CDYL2: variants seen among roughly 807,000 people sequenced by gnomAD.
The protein encoded by CDYL2 is chromodomain Y like 2.
CDYL2 carries 23 observed loss-of-function variants against 49.4 expected under a neutral mutation model. That is an observed-to-expected ratio of 0.47 (90% CI 0.34 to 0.66). CDYL2 has a LOEUF of 0.66. Among genes scored for constraint, CDYL2 ranks in the 30% least tolerant of loss-of-function variants. CDYL2 has a pLI of 0.01. For synonymous variants in CDYL2, 360 were observed against 268.8 expected, an observed-to-expected ratio of 1.34 and a Z score of -3.32; for missense variants, 678 against 656.4, an observed-to-expected ratio of 1.03 and a Z score of -0.36.
chr16:80,774,195 A>G (rs1398275272), intron 1 of CDYL2, among the ~76,000 whole-genome samples: 1 of 152,204 alleles, frequency 6.6e-6, no homozygotes, highest in Non-Finnish European at 1.5e-5. Flanking sequence ...TGATACATAC[A>G]CATAAACAAT....
chr16:80,667,841 T>C (rs1909331353), intron 2 of CDYL2, among the ~76,000 whole-genome samples: 1 of 152,334 alleles, frequency 6.6e-6, no homozygotes, highest in East Asian at 1.9e-4. Context: ...CCGTGAGGTA[T>C]GAATATCTGC....
intron 1 of CDYL2, among the ~76,000 whole-genome samples, chr16:80,713,808 C>G (rs985153044): frequency 6.6e-6 from 1 of 152,098 alleles, no homozygotes; most frequent in Non-Finnish European, 1.5e-5. Context: ...CCTGGGATGC[C>G]CATTCTTGGA....
At chr16:80,622,962 A>G (rs969905808) in intron 3 of CDYL2, among the ~76,000 whole-genome samples, 1 of 152,248 alleles carries the variant, frequency 6.6e-6, no homozygotes, top group African/African-American at 2.4e-5. Flanking sequence ...GCTCCATTTT[A>G]TAGAAAGGGA....
chr16:80,604,502 T>G lies in CDYL2; in HGVS notation c.1407A>C (p.Ser469=). 1 of 1,614,218 alleles carries G rather than the reference T, an allele frequency of 6.2e-7. No homozygotes were observed. The highest frequency in any genetic ancestry group is 8.5e-7 in the Non-Finnish European group (1 of 1,180,032). ...CCTTCTCGTTCACGTCTTCCAGCAC[T>G]GATTTCAGGAAGCTCCGCACGAGGC... ...SKCLVRSFLK[S]VLEDVNEKEC... The change falls in exon 7 of 7, where the codon TCA becomes TCC. Residue 469 remains serine (S), a synonymous_variant. Coordinates refer to ENST00000570137, the MANE Select transcript of CDYL2 (RefSeq NM_152342.4).
intron 2 of CDYL2, among the ~76,000 whole-genome samples, chr16:80,683,280 G>A (rs150623429): frequency 6.1e-4 from 93 of 152,330 alleles, no homozygotes; most frequent in Admixed American, 1.2e-3. Flanking sequence ...TCGGGTCTCT[G>A]GCAGCCAAAG....
intron 1 of CDYL2, among the ~76,000 whole-genome samples, chr16:80,693,223 G>C (rs532684054): frequency 1.3e-5 from 2 of 152,066 alleles, no homozygotes; most frequent in African/African-American, 4.8e-5. Context: ...TGCGTGGTGA[G>C]GTATACATCT....
At chr16:80,634,149 G>A (rs1286673009) in intron 2 of CDYL2, among the ~76,000 whole-genome samples, 2 of 151,958 alleles carry the variant, frequency 1.3e-5, no homozygotes, top group Admixed American at 1.3e-4. Flanking sequence ...GAAAGAGGGG[G>A]CATCACTATT....
At chr16:80,775,346 T>C (rs895377300) in intron 1 of CDYL2, among the ~76,000 whole-genome samples, 1 of 151,794 alleles carries the variant, frequency 6.6e-6, no homozygotes, top group Admixed American at 6.6e-5. Flanking sequence ...AAAACCACAA[T>C]AGTAACAAAA....
At chr16:80,676,789 T>A (rs148063275) in intron 2 of CDYL2, among the ~76,000 whole-genome samples, 257 of 152,190 alleles carry the variant, frequency 1.7e-3, no homozygotes, top group East Asian at 0.015. Flanking sequence ...TTGGGAGTAT[T>A]TTCCCATTTT....
At chr16:80,767,940 A>C (rs1343988213) in intron 1 of CDYL2, among the ~76,000 whole-genome samples, 1 of 152,226 alleles carries the variant, frequency 6.6e-6, no homozygotes, top group Non-Finnish European at 1.5e-5. Flanking sequence ...CTCTGGAGCA[A>C]CTTTACGGAT....
In CDYL2 at chr16:80,783,396, C is replaced by T. The variant is rs531313372; in HGVS notation, c.24+20754G>A. ...GTTGGCAAGGACGCAAACTAAAATC[C>T]TCATACATTGCTGCTATGGGTGTAA... On this transcript the variant is annotated intron_variant, in intron 1 of 6. Transcript: ENST00000570137. Among the ~76,000 whole-genome samples the T allele has an allele frequency of 1.7e-3, 257 of 152,206 alleles. 1 individual carries two copies. Among genetic ancestry groups the T allele is most frequent in the African/African-American group, 5.8e-3 (242 of 41,538 alleles).
chr16:80,723,905 G>T (rs1567585344), intron 1 of CDYL2, among the ~76,000 whole-genome samples: 1 of 150,236 alleles, frequency 6.7e-6, no homozygotes, highest in Non-Finnish European at 1.5e-5. Context: ...GAGGAGAAAT[G>T]GGGGGAAGGA....
At position 80,735,712 on chromosome 16, in the gene CDYL2, T is replaced by C. The variant is rs563910181; in HGVS notation, c.25-50583A>G. ...AGACCTTTTTTTCTCAGGGACCACA[T>C]AGCAATAATCACTGGACTCTCGACA... On this transcript the variant is annotated intron_variant, in intron 1 of 6. Coordinates refer to ENST00000570137, the MANE Select transcript of CDYL2 (RefSeq NM_152342.4). Among the ~76,000 whole-genome samples the C allele has an allele frequency of 6.6e-5, 10 of 152,250 alleles. 1 individual carries two copies. The South Asian group carries it at 1.0e-3, about 16-fold the overall frequency.
At position 80,620,952 on chromosome 16, in the gene CDYL2, A is replaced by G. The variant is rs1172693618; in HGVS notation, c.835-17T>C. ...TTTCATGATCTGCCGGCAGAGATGA[A>G]TTTGCAGGGATGTTAAGTGTCTATC... On this transcript the variant is annotated splice_polypyrimidine_tract_variant and intron_variant, in intron 3 of 6. Transcript: ENST00000570137. The G allele has an allele frequency of 4.4e-6, 7 of 1,578,062 alleles. No individual in the cohort carries two copies. The Admixed American group carries it at 8.8e-5, about 20-fold the overall frequency.
chr16:80,770,479 G>GA (rs937220085), intron 1 of CDYL2, among the ~76,000 whole-genome samples: 18 of 151,580 alleles, frequency 1.2e-4, no homozygotes, highest in African/African-American at 2.7e-4. Context: ...AAAAACAAAA[G>GA]AAAAAAATAC....
chr16:80,658,520 G>A (rs185134632), intron 2 of CDYL2, among the ~76,000 whole-genome samples: 2 of 152,210 alleles, frequency 1.3e-5, no homozygotes, highest in East Asian at 1.9e-4. Flanking sequence ...GAGTAGTTCA[G>A]GATTGAGAAA....
At chr16:80,621,336 T>C (rs1166973090) in intron 3 of CDYL2, among the ~76,000 whole-genome samples, 1 of 152,274 alleles carries the variant, frequency 6.6e-6, no homozygotes, top group Admixed American at 6.5e-5. Context: ...AAGCCATCTC[T>C]AGATGACTCA....
intron 1 of CDYL2, among the ~76,000 whole-genome samples, chr16:80,751,598 T>A (rs1906139001): frequency 6.6e-6 from 1 of 152,206 alleles, no homozygotes; most frequent in African/African-American, 2.4e-5. Flanking sequence ...ACTAAGACAC[T>A]ATGCACGTGT....
At chr16:80,721,911 G>T (rs1460520084) in intron 1 of CDYL2, among the ~76,000 whole-genome samples, 1 of 152,182 alleles carries the variant, frequency 6.6e-6, no homozygotes, top group Non-Finnish European at 1.5e-5. Context: ...TTCAGGGACT[G>T]TATTCCAGGC....
Sources: gnomAD v4.1 joint callset for allele counts (sites outside exome capture counted in the v4.1 genomes callset) on GRCh38, gnomAD v4.1.1 for gene constraint, MANE v1.5 for transcripts, NCBI Gene and HGNC (gene_info 2026-07-23, HGNC 2026-07-21) for gene names.